PKD2L2: variants seen among roughly 807,000 people sequenced by gnomAD.
PKD2L2 encodes the protein polycystin-2-like protein 2.
In PKD2L2, 67 loss-of-function variants were observed where a neutral mutation model predicts 83.9. That is an observed-to-expected ratio of 0.80 (90% CI 0.66 to 0.98). The LOEUF (loss-of-function observed/expected upper bound fraction) is 0.98. Among genes scored for constraint, PKD2L2 ranks in the 50% least tolerant of loss-of-function variants. PKD2L2 has a pLI of 0.00. For synonymous variants in PKD2L2, 223 were observed against 237.8 expected (o/e 0.94, Z 0.57); for missense variants, 632 against 717.2 (o/e 0.88, Z 1.36).
rs1412264224 is a variant in PKD2L2 at position 137,923,464 on chromosome 5, A to G, written c.1494A>G (p.Lys498=). The change falls in exon 10 of 15, where the codon AAA becomes AAG. Residue 498 remains lysine, a synonymous_variant. Coordinates refer to ENST00000508883, the MANE Select transcript of PKD2L2 (RefSeq NM_001300921.2). ...TTAATGATACCTATTCTGAAGTGAA[A>G]GCTGACTATTCAATAGGCAGAAGGC... The part of the protein sequence containing the change: ...AIINDTYSEV[K]ADYSIGRRLD... 1 of 1,568,126 alleles carries G rather than the reference A, an allele frequency of 6.4e-7. No homozygotes were observed.
At chr5:137,892,665 C>T (rs760302439) in intron 3 of PKD2L2, 52 bp downstream of exon 3, 2 of 1,462,188 alleles carry the variant, frequency 1.4e-6, no homozygotes, top group South Asian at 1.2e-5. Context: ...TCCATGAACC[C>T]TTGGCATACA....
At chr5:137,940,279 C>G (rs201094212) in intron 14 of PKD2L2, 158 of 1,613,476 alleles carry the variant, frequency 9.8e-5, no homozygotes, top group Middle Eastern at 3.3e-4. Context: ...GAAGCCTAAG[C>G]TTGGCTTTAA....
rs1347503440 is a variant in PKD2L2 at position 137,940,042 on chromosome 5, G to A, written c.*18-2342G>A. ...GTGGTTAATATGGAACATCACTTAC[G>A]CTCCCTTGAGAGGGCCTACTTACTC... On this transcript the variant is annotated intron_variant, in intron 14 of 14. Transcript: ENST00000508883. 21 of 1,613,102 alleles carry A rather than the reference G, an allele frequency of 1.3e-5. 1 individual carries two copies. Among genetic ancestry groups the A allele is most frequent in the African/African-American group, 5.3e-5 (4 of 74,884 alleles).
chr5:137,921,273 A>G (rs530424064), intron 8 of PKD2L2, among the ~76,000 whole-genome samples: 1 of 151,422 alleles, frequency 6.6e-6, no homozygotes, highest in South Asian at 2.1e-4. Flanking sequence ...AGGCAGGAGT[A>G]TTGCCTGAAC....
chr5:137,921,703 T>A lies in PKD2L2; in HGVS notation c.1396T>A (p.Leu466Met), dbSNP rs753776373. The A allele has an allele frequency of 6.2e-7, 1 of 1,609,662 alleles. No individual in the cohort carries two copies. The highest frequency in any genetic ancestry group is 8.5e-7 in the Non-Finnish European group (1 of 1,176,584). ...FAGIQQANPI[L>M]GPIYFITFIF... is the part of the protein sequence containing the mutation. ...TGGTATTCAGCAAGCCAATCCTATC[T>A]TGGGACCCATTTACTTCATCACTTT... is the stretch of plus-strand genomic sequence containing the variant. The change falls in exon 9 of 15, where the codon TTG (leucine) becomes ATG (methionine). Residue 466 changes from leucine to methionine, a missense_variant. This residue lies in a region of PKD2L2 where 399 missense variants were observed against 416.9 expected (regional missense o/e 0.96). Transcript: ENST00000508883.
At position 137,936,404 on chromosome 5, in the gene PKD2L2, T is replaced by A; in HGVS notation, c.1869T>A (p.Ala623=). The change falls in exon 14 of 15, where the codon GCT becomes GCA. Residue 623 remains alanine, a synonymous_variant. Coordinates refer to ENST00000508883, the MANE Select transcript of PKD2L2 (RefSeq NM_001300921.2). ...KLNQVVRKVS[A]L is the part of the protein sequence containing the mutation. ...ATCAAGTGGTGAGAAAGGTTTCAGC[T>A]CTATAGTATTGAGACAAGTGGAGGT... 1 of 1,535,306 alleles carries A rather than the reference T, an allele frequency of 6.5e-7. No homozygotes were observed. Among genetic ancestry groups the A allele is most frequent in the Non-Finnish European group, 8.7e-7 (1 of 1,146,042 alleles).
chr5:137,892,393 A>G, intron 2 of PKD2L2, 87 bp from the exon 3 acceptor site: 1 of 667,914 alleles, frequency 1.5e-6, no homozygotes, highest in Non-Finnish European at 2.2e-6. Context: ...TTTAATTTTC[A>G]AAATTGAGAA....
At chr5:137,891,787 G>A (rs959288460) in intron 2 of PKD2L2, among the ~76,000 whole-genome samples, 4 of 151,728 alleles carry the variant, frequency 2.6e-5, no homozygotes, top group Admixed American at 6.6e-5. Flanking sequence ...GAGTTCAAGC[G>A]ATTCTCCTGC....
At chr5:137,892,344 A>AT (rs544884777) in intron 2 of PKD2L2, 136 bp from the exon 3 acceptor site, 19 of 432,450 alleles carry the variant, frequency 4.4e-5, no homozygotes, top group African/African-American at 3.9e-4. Context: ...TCTAGTTTAG[A>AT]TTTTTTAAAT....
At chr5:137,921,362 GAAAAA>G (rs66968280) in intron 8 of PKD2L2, among the ~76,000 whole-genome samples, 1 of 144,768 alleles carries the variant, frequency 6.9e-6, no homozygotes, top group Non-Finnish European at 1.5e-5. Context: ...CTGTCTCAAA[GAAAAA>G]AAAAAAAAAG....
rs138974402 is a variant in PKD2L2, at chr5:137,930,006, CCAAA to C, written c.1671+4080_1671+4083del. On this transcript the variant is annotated intron_variant, in intron 12 of 14. Transcript: ENST00000508883. Reference sequence around the variant, plus strand: ...TTTATCAGTTATGAATATCTATGCACCAAACAGAGTATCAACTTTAATAAAGATT... The same window carrying C: ...TTTATCAGTTATGAATATCTATGCACCAGAGTATCAACTTTAATAAAGATT... Among the ~76,000 whole-genome samples, 932 of 151,842 alleles carry C rather than the reference CCAAA, an allele frequency of 6.1e-3. 35 individuals are homozygous for C. In the East Asian group the frequency reaches 0.095, roughly 15 times the overall value.
At chr5:137,923,016 CTTTT>C (rs576285427) in intron 9 of PKD2L2, among the ~76,000 whole-genome samples, 1 of 139,284 alleles carries the variant, frequency 7.2e-6, no homozygotes. Context: ...TTTTTCTTTT[CTTTT>C]TTTTTTTTTT....
chr5:137,925,802 C>A, intron 11 of PKD2L2, 73 bp from the exon 12 acceptor site: 1 of 827,420 alleles, frequency 1.2e-6, no homozygotes, highest in South Asian at 1.6e-5. Flanking sequence ...ACTACAGATC[C>A]GATTGTACTT....
rs561035051 is a variant in PKD2L2 at position 137,910,051 on chromosome 5, C to T, written c.1328+1105C>T. On this transcript the variant is annotated intron_variant, in intron 8 of 14. Coordinates refer to ENST00000508883, the MANE Select transcript of PKD2L2 (RefSeq NM_001300921.2). Reference sequence around the variant, plus strand: ...CAACCTGGGCAACATAGCAAGACTGCGTTTCTACAAAAAAACAAAAAACAA... The same window carrying T: ...CAACCTGGGCAACATAGCAAGACTGTGTTTCTACAAAAAAACAAAAAACAA... 2.4e-4 allele frequency among the ~76,000 whole-genome samples: 36 copies of T among 151,822 alleles called. 1 individual carries two copies. The highest frequency in any genetic ancestry group is 2.3e-3 in the Admixed American group (35 of 15,258).
chr5:137,924,406 T>C (rs990162352), intron 10 of PKD2L2, among the ~76,000 whole-genome samples: 3 of 152,176 alleles, frequency 2.0e-5, no homozygotes, highest in Non-Finnish European at 2.9e-5. Context: ...CCCGGAAATA[T>C]TCCTACAGCT....
intron 12 of PKD2L2, among the ~76,000 whole-genome samples, chr5:137,933,744 T>C (rs943803798): frequency 6.6e-6 from 1 of 152,200 alleles, no homozygotes; most frequent in Non-Finnish European, 1.5e-5. Flanking sequence ...CATCTAAGTA[T>C]TAAGAGGCAT....
At chr5:137,895,983 C>A in intron 4 of PKD2L2, among the ~76,000 whole-genome samples, 1 of 145,476 alleles carries the variant, frequency 6.9e-6, no homozygotes, top group Non-Finnish European at 1.5e-5. Context: ...TCAAGACCAG[C>A]CTGGCCAACA....
At chr5:137,921,573 TC>T in intron 8 of PKD2L2, 62 bp from the exon 9 acceptor site, 1 of 1,011,362 alleles carries the variant, frequency 9.9e-7, no homozygotes, top group Non-Finnish European at 1.5e-6. Context: ...CATTAGTAAC[TC>T]CCATCAGTTG....
Position 137,906,384 on chromosome 5 carries a change from T to C in PKD2L2, c.925T>C (p.Ser309Pro). 6.2e-7 allele frequency: 1 copy of C among 1,610,564 alleles called. No individual in the cohort carries two copies. The highest frequency in any genetic ancestry group is 8.5e-7 in the Non-Finnish European group (1 of 1,177,350). The change falls in exon 6 of 15, where the codon TCT becomes CCT. Residue 309 changes from serine (S) to proline (P), a missense_variant. Coordinates refer to ENST00000508883, the MANE Select transcript of PKD2L2 (RefSeq NM_001300921.2). ...QEVKKIKEFK[S>P]AYFKSIWNWL... ...AGTCAAAAAAATAAAAGAATTTAAG[T>C]CTGCCTATTTCAAAAGTATTTGGAA...
Sources: allele counts gnomAD v4.1 joint callset (sites outside exome capture counted in the v4.1 genomes callset), GRCh38; gene constraint gnomAD v4.1.1; regional missense constraint gnomAD v4.1.1; transcripts MANE v1.5; gene names NCBI Gene and HGNC (gene_info 2026-07-23, HGNC 2026-07-21).